The following ABCC4 variants were observed in gnomAD, a reference collection of about 807,000 sequenced individuals.
ABCC4 encodes the protein ATP binding cassette subfamily C member 4 (PEL blood group).
A neutral mutation model predicts 168.5 loss-of-function variants in ABCC4; 102 were observed. That is an observed-to-expected ratio of 0.61 (90% CI 0.52 to 0.71). The LOEUF (loss-of-function observed/expected upper bound fraction) is 0.71, where lower values mean the gene tolerates loss of function less well. ABCC4 is among the 30% of genes least tolerant of loss of function. The pLI is 0.00. For missense variants in ABCC4, 1,402 were observed against 1,605.8 expected (o/e 0.87, Z 2.17); for synonymous variants, 617 against 590.7 (o/e 1.04, Z -0.65).
At chr13:95,207,220 G>GT (rs1433373849) in intron 7 of ABCC4, among the ~76,000 whole-genome samples, 2 of 151,958 alleles carry the variant, frequency 1.3e-5, no homozygotes, top group East Asian at 3.9e-4. Context: ...TAGAGACAGG[G>GT]TTTCACCATG....
At chr13:95,301,026 G>C (rs2041663678) in intron 1 of ABCC4, among the ~76,000 whole-genome samples, 3 of 151,956 alleles carry the variant, frequency 2.0e-5, no homozygotes, top group Non-Finnish European at 4.4e-5. Flanking sequence ...GCGTCCCCCT[G>C]CGCCGCGCCC....
chr13:95,226,403 A>G (rs1350431269), intron 4 of ABCC4, among the ~76,000 whole-genome samples: 2 of 152,218 alleles, frequency 1.3e-5, no homozygotes, highest in Non-Finnish European at 2.9e-5. Flanking sequence ...TACTAAAGTA[A>G]AACAAAGAAA....
intron 14 of ABCC4, among the ~76,000 whole-genome samples, chr13:95,167,779 C>T (rs986682648): frequency 8.5e-5 from 13 of 152,142 alleles, no homozygotes; most frequent in African/African-American, 2.7e-4. Context: ...GAGGGGGAAC[C>T]GTGCTCTGTC....
intron 11 of ABCC4, among the ~76,000 whole-genome samples, chr13:95,178,887 T>C (rs983745802): frequency 5.3e-5 from 8 of 152,112 alleles, no homozygotes; most frequent in Admixed American, 4.6e-4. Flanking sequence ...ATTTTAAAGG[T>C]AGCACCTATA....
At chr13:95,196,409 A>C (rs1414942849) in intron 8 of ABCC4, among the ~76,000 whole-genome samples, 4 of 152,116 alleles carry the variant, frequency 2.6e-5, no homozygotes, top group Non-Finnish European at 4.4e-5. Flanking sequence ...CAGGCCTTGG[A>C]AGCTGCCTGG....
chr13:95,257,839 T>G (rs1369394865), intron 1 of ABCC4, among the ~76,000 whole-genome samples: 1 of 152,144 alleles, frequency 6.6e-6, no homozygotes, highest in Non-Finnish European at 1.5e-5. Context: ...GCTAAACAAC[T>G]GATAGAATTT....
At chr13:95,136,880 A>G (rs2036159108) in intron 19 of ABCC4, among the ~76,000 whole-genome samples, 1 of 152,234 alleles carries the variant, frequency 6.6e-6, no homozygotes, top group African/African-American at 2.4e-5. Flanking sequence ...ATGTGCTGCT[A>G]TCTCAAAAAG....
Position 95,075,426 on chromosome 13 carries a change from A to T in ABCC4, c.2806+6T>A, listed in dbSNP as rs1387875647. The T allele has an allele frequency of 6.2e-7, 1 of 1,614,116 alleles. No homozygotes were observed. Among genetic ancestry groups the T allele is most frequent in the Non-Finnish European group, 8.5e-7 (1 of 1,179,982 alleles). ...CCTTTGAAACCATTTCCAGAAATAG[A>T]CAGACCTGAATGTAAATCCTGGTGT... On this transcript the variant is annotated splice_donor_region_variant and intron_variant, in intron 22 of 30. Transcript: ENST00000645237.
At chr13:95,048,560 C>T (rs140952779) in intron 27 of ABCC4, among the ~76,000 whole-genome samples, 7 of 152,290 alleles carry the variant, frequency 4.6e-5, no homozygotes, top group South Asian at 2.1e-4. Flanking sequence ...GTGAACGAAG[C>T]GAGCGGAAGC....
intron 1 of ABCC4, among the ~76,000 whole-genome samples, chr13:95,277,897 A>G (rs925859181): frequency 2.0e-5 from 3 of 152,208 alleles, no homozygotes; most frequent in African/African-American, 7.2e-5. Flanking sequence ...GGCAGCAAGC[A>G]TGGCTAACAC....
At chr13:95,143,489 T>G (rs140893242) in intron 19 of ABCC4, among the ~76,000 whole-genome samples, 1 of 152,348 alleles carries the variant, frequency 6.6e-6, no homozygotes, top group East Asian at 1.9e-4. Flanking sequence ...TTGGAAGGAT[T>G]TGAGAGTTTA....
At chr13:95,156,932 A>C (rs1251129230) in intron 19 of ABCC4, among the ~76,000 whole-genome samples, 1 of 152,114 alleles carries the variant, frequency 6.6e-6, no homozygotes, top group East Asian at 1.9e-4. Flanking sequence ...ATCTCTACTA[A>C]AAATACAAAA....
At chr13:95,071,632 T>C in intron 25 of ABCC4, 30 bp downstream of exon 25, 3 of 1,395,960 alleles carry the variant, frequency 2.1e-6, no homozygotes, top group Non-Finnish European at 2.8e-6. Context: ...TCTTCTGAAA[T>C]TGAGAAGAGG....
chr13:95,139,566 G>A (rs2036250234), intron 19 of ABCC4, among the ~76,000 whole-genome samples: 1 of 152,196 alleles, frequency 6.6e-6, no homozygotes, highest in Non-Finnish European at 1.5e-5. Flanking sequence ...TGAGTGCTCA[G>A]AAATAGCACG....
intron 1 of ABCC4, among the ~76,000 whole-genome samples, chr13:95,296,854 G>A (rs1347140069): frequency 6.6e-6 from 1 of 152,176 alleles, no homozygotes; most frequent in African/African-American, 2.4e-5. Flanking sequence ...GAAAGAGGAG[G>A]AATTATTCAA....
At chr13:95,190,244 C>T (rs2038212235) in intron 9 of ABCC4, among the ~76,000 whole-genome samples, 1 of 152,020 alleles carries the variant, frequency 6.6e-6, no homozygotes, top group Non-Finnish European at 1.5e-5. Context: ...GAGGATGAGG[C>T]AGGAGGATCC....
Position 95,071,657 on chromosome 13 carries a change from C to T in ABCC4, c.3210+5G>A, listed in dbSNP as rs778754779. 1 of 1,425,908 alleles carries T rather than the reference C, an allele frequency of 7.0e-7. No homozygotes were observed. The highest frequency in any genetic ancestry group is 1.7e-5 in the South Asian group (1 of 57,350). The allele number at this position is 1,425,908 out of a possible 1,614,324, so 88.3% of individuals were successfully genotyped here. ...TTGAGAAGAGGCAAGATGCTTTAAACAAACCTTTTCTTGTGATTTAATGAG... is the reference window on the plus strand; with the variant it reads ...TTGAGAAGAGGCAAGATGCTTTAAATAAACCTTTTCTTGTGATTTAATGAG... On this transcript the variant is annotated splice_donor_5th_base_variant and intron_variant, in intron 25 of 30. Coordinates refer to ENST00000645237, the MANE Select transcript of ABCC4 (RefSeq NM_005845.5).
intron 1 of ABCC4, among the ~76,000 whole-genome samples, chr13:95,276,785 A>G (rs1056577344): frequency 1.3e-5 from 2 of 152,176 alleles, no homozygotes; most frequent in Non-Finnish European, 2.9e-5. Context: ...TTGGGAAGCC[A>G]AGGCAGGCAG....
chr13:95,225,149 TCTCTCACACACACACACACACACA>T (rs1413969869), intron 4 of ABCC4, among the ~76,000 whole-genome samples: 31 of 100,232 alleles, frequency 3.1e-4, no homozygotes, highest in African/African-American at 4.2e-4. Flanking sequence ...TGTCTCTCTC[TCTCTCACACACACACACACACACA>T]CACACACACA....
Sources: allele counts gnomAD v4.1 joint callset (sites outside exome capture counted in the v4.1 genomes callset), GRCh38; gene constraint gnomAD v4.1.1; transcripts MANE v1.5; gene names NCBI Gene and HGNC (gene_info 2026-07-23, HGNC 2026-07-21).